The following PCDH15 variants were observed in gnomAD, a reference collection of about 807,000 sequenced individuals.
PCDH15 encodes the protein protocadherin related 15.
In PCDH15, 129 loss-of-function variants were observed where a neutral mutation model predicts 178.5. That is an observed-to-expected ratio of 0.72 (90% CI 0.63 to 0.84). PCDH15 has a LOEUF of 0.84. Among genes scored for constraint, PCDH15 ranks in the 40% least tolerant of loss-of-function variants. The pLI is 0.00. For missense variants in PCDH15, 2,230 were observed against 2,099.9 expected (o/e 1.06, Z -1.21); for synonymous variants, 800 against 732.0 (o/e 1.09, Z -1.50).
intron 15 of PCDH15, among the ~76,000 whole-genome samples, chr10:54,109,574 A>T (rs2094977351): frequency 6.6e-6 from 1 of 152,198 alleles, no homozygotes; most frequent in Non-Finnish European, 1.5e-5. Flanking sequence ...AATTAAGGGA[A>T]ATAAGCCAGG....
chr10:54,226,054 G>A (rs1591289299), intron 9 of PCDH15, among the ~76,000 whole-genome samples: 2 of 152,308 alleles, frequency 1.3e-5, no homozygotes, highest in South Asian at 4.1e-4. Context: ...GATTGATTCT[G>A]TCAATCAATT....
intron 8 of PCDH15, among the ~76,000 whole-genome samples, chr10:54,243,738 T>A (rs74892814): frequency 0.032 from 4,930 of 152,274 alleles, 187 homozygotes; most frequent in African/African-American, 0.094. Context: ...TCACTTTGCT[T>A]AGTTTTGCTT....
chr10:54,840,808 A>G (rs774089863), intron 3 of PCDH15, among the ~76,000 whole-genome samples: 64 of 151,856 alleles, frequency 4.2e-4, no homozygotes, highest in Non-Finnish European at 6.9e-4. Context: ...ATAGACTTGT[A>G]GTCAAAATCT....
chr10:55,086,651 A>G (rs768344096), intron 2 of PCDH15, among the ~76,000 whole-genome samples: 2 of 152,074 alleles, frequency 1.3e-5, no homozygotes, highest in Admixed American at 1.3e-4. Flanking sequence ...CTTTTTAAAG[A>G]CCAATTGAAA....
intron 2 of PCDH15, among the ~76,000 whole-genome samples, chr10:55,090,550 A>G (rs895657170): frequency 5.3e-5 from 8 of 152,036 alleles, no homozygotes; most frequent in African/African-American, 1.9e-4. Flanking sequence ...ACCTCCTTCC[A>G]TAAGCGGTAG....
At chr10:54,354,658 C>A (rs2134325304) in intron 5 of PCDH15, among the ~76,000 whole-genome samples, 1 of 152,208 alleles carries the variant, frequency 6.6e-6, no homozygotes, top group Admixed American at 6.5e-5. Flanking sequence ...ACTCCATGAT[C>A]CATGTTTCTA....
Position 54,020,406 on chromosome 10 carries a change from A to C in PCDH15, c.2537T>G (p.Val846Gly), listed in dbSNP as rs781374740. The stretch of plus-strand genomic sequence containing the variant: ...GTAAGACACATTTGCTCCAAGGTCG[A>C]CATCTTTGGCCTGTAATAAGCAGAA... ...TTILQIEAKDVDLGANVSYRI... is the reference protein window; with the variant it reads ...TTILQIEAKDGDLGANVSYRI... Residue 846 changes from valine (V) to glycine (G), a missense_variant, in exon 20 of 38, where the codon GTC becomes GGC. By Grantham distance (109) the Val-to-Gly change is moderately radical. Coordinates refer to ENST00000644397, the MANE Select transcript of PCDH15 (RefSeq NM_001384140.1). The C allele has an allele frequency of 6.2e-7, 1 of 1,613,604 alleles. No individual in the cohort carries two copies. Among genetic ancestry groups the C allele is most frequent in the Admixed American group, 1.7e-5 (1 of 59,968 alleles).
At chr10:54,268,801 T>G (rs2057863070) in intron 8 of PCDH15, among the ~76,000 whole-genome samples, 1 of 151,946 alleles carries the variant, frequency 6.6e-6, no homozygotes, top group African/African-American at 2.4e-5. Flanking sequence ...AGAACAATTT[T>G]GTCTGGTGGT....
At chr10:54,376,102 C>A (rs186908373) in intron 4 of PCDH15, among the ~76,000 whole-genome samples, 1 of 151,072 alleles carries the variant, frequency 6.6e-6, no homozygotes, top group Non-Finnish European at 1.5e-5. Flanking sequence ...ACCGTGTTGG[C>A]CAGGCTGGTC....
chr10:54,859,854 C>G (rs1314353825), intron 3 of PCDH15, among the ~76,000 whole-genome samples: 1 of 151,690 alleles, frequency 6.6e-6, no homozygotes, highest in Non-Finnish European at 1.5e-5. Context: ...TTGTATATCT[C>G]CTTTTCATGT....
intron 13 of PCDH15, among the ~76,000 whole-genome samples, chr10:54,156,431 G>A (rs377057381): frequency 1.8e-4 from 28 of 152,210 alleles, no homozygotes; most frequent in African/African-American, 4.6e-4. Context: ...CTTATGTGGC[G>A]GCAGACAAGA....
rs781330379 is a variant in PCDH15, at chr10:55,254,469, CT to C, written c.-156+65129del. Among the ~76,000 whole-genome samples, 313 of 152,272 alleles carry C rather than the reference CT, an allele frequency of 2.1e-3. 3 individuals are homozygous for C. The highest frequency in any genetic ancestry group is 3.2e-3 in the Non-Finnish European group (220 of 68,026). On this transcript the variant is annotated intron_variant, in intron 1 of 5. Transcript: ENST00000458638. ...AACATTGGTAATAAGAGCAAGATAT[CT>C]TTTCCAGTTGCAAGCTGTCAGTGGA...
intron 28 of PCDH15, among the ~76,000 whole-genome samples, chr10:53,851,489 G>A (rs1455709307): frequency 6.6e-6 from 1 of 150,746 alleles, no homozygotes; most frequent in Non-Finnish European, 1.5e-5. Flanking sequence ...TGATAGACTG[G>A]CCCAAGACTT....
intron 2 of PCDH15, among the ~76,000 whole-genome samples, chr10:55,580,348 T>A (rs376716796): frequency 3.4e-4 from 48 of 141,986 alleles, no homozygotes; most frequent in African/African-American, 1.1e-3. Context: ...TCTTCATTTT[T>A]TTTATTTTTT....
intron 7 of PCDH15, among the ~76,000 whole-genome samples, chr10:54,321,837 C>A (rs941296888): frequency 2.6e-5 from 4 of 151,904 alleles, no homozygotes; most frequent in African/African-American, 9.7e-5. Flanking sequence ...ATAATCCTGG[C>A]AAAATGATTG....
intron 2 of PCDH15, among the ~76,000 whole-genome samples, chr10:54,601,240 G>A (rs562996046): frequency 6.6e-6 from 1 of 152,042 alleles, no homozygotes; most frequent in East Asian, 1.9e-4. Flanking sequence ...AAAGTTACCA[G>A]ACAACCAATA....
intron 2 of PCDH15, among the ~76,000 whole-genome samples, chr10:54,592,766 A>G (rs1051906846): frequency 6.6e-6 from 1 of 152,178 alleles, no homozygotes; most frequent in Non-Finnish European, 1.5e-5. Flanking sequence ...AGGAATCTTC[A>G]TATTGTTTTC....
chr10:55,403,946 C>T (rs1256241798), intron 2 of PCDH15, among the ~76,000 whole-genome samples: 2 of 151,964 alleles, frequency 1.3e-5, no homozygotes, highest in African/African-American at 2.4e-5. Context: ...ACAACAATCA[C>T]TTTTTTCAGG....
chr10:55,218,405 G>T (rs1269731349), intron 1 of PCDH15, among the ~76,000 whole-genome samples: 1 of 151,978 alleles, frequency 6.6e-6, no homozygotes, highest in Non-Finnish European at 1.5e-5. Flanking sequence ...ATGAGGAAAA[G>T]CAATGGAAAG....
Sources: allele counts gnomAD v4.1 joint callset (sites outside exome capture counted in the v4.1 genomes callset), GRCh38; gene constraint gnomAD v4.1.1; transcripts MANE v1.5; gene names NCBI Gene and HGNC (gene_info 2026-07-23, HGNC 2026-07-21).